ANKRD13C: variants seen among roughly 807,000 people sequenced by gnomAD.
ANKRD13C encodes the protein ankyrin repeat domain 13C.
A neutral mutation model predicts 65.5 loss-of-function variants in ANKRD13C; 16 were observed. The observed-to-expected ratio is 0.24, with a 90% CI of 0.17 to 0.37. The LOEUF is 0.37. Among genes scored for constraint, ANKRD13C ranks in the 10% least tolerant of loss-of-function variants. The pLI, the probability that ANKRD13C is intolerant of heterozygous loss-of-function variation, is 1.00. For synonymous variants in ANKRD13C, 235 were observed against 238.7 expected, an observed-to-expected ratio of 0.98 and a Z score of 0.14; for missense variants, 503 against 655.9, an observed-to-expected ratio of 0.77 and a Z score of 2.55.
At position 70,262,538 on chromosome 1, in the gene ANKRD13C, C is replaced by A. The variant is rs114495835; in HGVS notation, c.*179G>T. 0.012 allele frequency: 6,341 copies of A among 549,964 alleles called. 61 individuals are homozygous for A. The highest frequency in any genetic ancestry group is 0.015 in the Non-Finnish European group (5,108 of 344,068). The allele number at this position is 549,964 out of a possible 1,614,324, so 34.1% of individuals were successfully genotyped here. A position where few individuals can be genotyped will look rare whatever the true frequency, so the allele number is the denominator to read the frequency against. ...TTTAAAAAGACAAAAAATGGCACATCAGAAAACTCGCTGAAATTCTTATTA... is the reference window on the plus strand; with the variant it reads ...TTTAAAAAGACAAAAAATGGCACATAAGAAAACTCGCTGAAATTCTTATTA... On this transcript the variant is annotated 3_prime_UTR_variant, in exon 13 of 13. Coordinates refer to ENST00000370944, the MANE Select transcript of ANKRD13C (RefSeq NM_030816.5).
Position 70,319,207 on chromosome 1 carries a change from C to A in ANKRD13C, c.578-3641G>T, listed in dbSNP as rs149822355. On this transcript the variant is annotated intron_variant, in intron 3 of 12. Transcript: ENST00000370944. Reference sequence around the variant, plus strand: ...AGAGACTGGAAATTGGGATTAAAATCTTGACTAGCACATAAAGCTGATATC... The same window carrying A: ...AGAGACTGGAAATTGGGATTAAAATATTGACTAGCACATAAAGCTGATATC... Among the ~76,000 whole-genome samples the A allele has an allele frequency of 6.6e-5, 10 of 152,284 alleles. No individual in the cohort carries two copies. The East Asian group carries it at 1.9e-3, about 29-fold the overall frequency.
At chr1:70,293,863 T>C (rs555091509) in intron 8 of ANKRD13C, among the ~76,000 whole-genome samples, 10 of 152,312 alleles carry the variant, frequency 6.6e-5, no homozygotes, top group African/African-American at 2.4e-4. Context: ...AACAAAATGT[T>C]AAGTGTGTAT....
At position 70,262,864 on chromosome 1, in the gene ANKRD13C, A is replaced by C; in HGVS notation, c.1496-17T>G. On this transcript the variant is annotated splice_polypyrimidine_tract_variant and intron_variant, in intron 12 of 12. Transcript: ENST00000370944. Reference sequence around the variant, plus strand: ...CAGGTATATCTACAGAGAGAACATCAATGATAGCATTGTAAAATCAAATGT... The same window carrying C: ...CAGGTATATCTACAGAGAGAACATCCATGATAGCATTGTAAAATCAAATGT... The C allele has an allele frequency of 1.2e-6, 2 of 1,601,394 alleles. No homozygotes were observed. Among genetic ancestry groups the C allele is most frequent in the Non-Finnish European group, 1.7e-6 (2 of 1,171,514 alleles).
intron 6 of ANKRD13C, among the ~76,000 whole-genome samples, chr1:70,304,120 T>C (rs1680491714): frequency 6.6e-6 from 1 of 152,228 alleles, no homozygotes; most frequent in South Asian, 2.1e-4. Context: ...CGGCTCACTG[T>C]AGCCTCAAGC....
At chr1:70,296,775 G>A (rs1325008266) in intron 7 of ANKRD13C, among the ~76,000 whole-genome samples, 1 of 152,166 alleles carries the variant, frequency 6.6e-6, no homozygotes, top group Non-Finnish European at 1.5e-5. Context: ...GGGAGGGATA[G>A]AAGAAGGGAA....
intron 5 of ANKRD13C, among the ~76,000 whole-genome samples, chr1:70,308,566 C>A (rs1338352593): frequency 1.3e-5 from 2 of 151,612 alleles, no homozygotes; most frequent in Admixed American, 1.3e-4. Flanking sequence ...GGTGAAACCC[C>A]GTCTTTACTA....
intron 6 of ANKRD13C, among the ~76,000 whole-genome samples, chr1:70,302,448 CGGGCG>C: frequency 9.0e-6 from 1 of 110,688 alleles, no homozygotes; most frequent in African/African-American, 4.0e-5. Context: ...TAGTATTGGC[CGGGCG>C]CGGTGGCTCA....
At chr1:70,329,212 GTAT>G (rs1302221082) in intron 2 of ANKRD13C, among the ~76,000 whole-genome samples, 1 of 152,114 alleles carries the variant, frequency 6.6e-6, no homozygotes, top group African/African-American at 2.4e-5. Context: ...CAACATGCAT[GTAT>G]TAGTAACCAA....
chr1:70,296,982 A>C (rs1680105904), intron 7 of ANKRD13C, among the ~76,000 whole-genome samples: 2 of 152,176 alleles, frequency 1.3e-5, no homozygotes, highest in Admixed American at 1.3e-4. Context: ...ATGAGAAAAA[A>C]GGAAAGTTTT....
intron 8 of ANKRD13C, among the ~76,000 whole-genome samples, chr1:70,293,199 T>C (rs1366166785): frequency 1.3e-5 from 2 of 152,180 alleles, no homozygotes; most frequent in African/African-American, 2.4e-5. Context: ...CATTACTTTC[T>C]TTCAATAAAG....
Position 70,332,912 on chromosome 1 carries a change from T to C in ANKRD13C, c.472+3146A>G, listed in dbSNP as rs145219324. 3.7e-4 allele frequency among the ~76,000 whole-genome samples: 57 copies of C among 152,326 alleles called. No homozygotes were observed. In the East Asian group the frequency reaches 8.5e-3, roughly 23 times the overall value. On this transcript the variant is annotated intron_variant, in intron 2 of 12. Coordinates refer to ENST00000370944, the MANE Select transcript of ANKRD13C (RefSeq NM_030816.5). ...CCTCAAACAGAGATGGCAGATAGGC[T>C]TCATTTCACATTCAAATCCTGGTAA...
At chr1:70,291,596 A>G (rs1023531820) in intron 9 of ANKRD13C, among the ~76,000 whole-genome samples, 1 of 152,166 alleles carries the variant, frequency 6.6e-6, no homozygotes, top group African/African-American at 2.4e-5. Context: ...GGTGTAAGTC[A>G]GAGATGACAC....
chr1:70,276,530 T>C (rs1456189206), intron 10 of ANKRD13C, among the ~76,000 whole-genome samples: 3 of 152,122 alleles, frequency 2.0e-5, no homozygotes, highest in African/African-American at 7.2e-5. Context: ...TGTGTATAAA[T>C]TGACAGGATG....
chr1:70,334,286 A>G (rs1037487332), intron 2 of ANKRD13C, among the ~76,000 whole-genome samples: 5 of 152,104 alleles, frequency 3.3e-5, no homozygotes, highest in Non-Finnish European at 7.4e-5. Flanking sequence ...GGATCGCACC[A>G]CTATACCCCA....
chr1:70,278,239 T>C (rs1469692452), intron 9 of ANKRD13C, among the ~76,000 whole-genome samples: 1 of 150,484 alleles, frequency 6.6e-6, no homozygotes, highest in African/African-American at 2.4e-5. Context: ...ATGCCTGTAA[T>C]CCTAGCACTT....
chr1:70,286,939 C>T (rs556936866), intron 9 of ANKRD13C, among the ~76,000 whole-genome samples: 5 of 151,984 alleles, frequency 3.3e-5, no homozygotes, highest in African/African-American at 9.7e-5. Context: ...GAGCTGAGAT[C>T]GTGCCACTGC....
At chr1:70,313,866 C>G in intron 4 of ANKRD13C, 76 bp from the exon 5 acceptor site, 2 of 1,054,602 alleles carry the variant, frequency 1.9e-6, no homozygotes, top group Non-Finnish European at 3.0e-6. Flanking sequence ...ATGGCTATTC[C>G]TTAAAACATT....
Position 70,301,248 on chromosome 1 carries a change from A to G in ANKRD13C, c.777-340T>C, listed in dbSNP as rs535253723. 7.3e-5 allele frequency among the ~76,000 whole-genome samples: 11 copies of G among 150,348 alleles called. No homozygotes were observed. In the South Asian group the frequency reaches 2.3e-3, roughly 31 times the overall value. ...ACACACATATTTCATTGACCCAGAA[A>G]AAAAGATGTTTCCCCATATTTGGGG... is the stretch of plus-strand genomic sequence containing the variant. On this transcript the variant is annotated intron_variant, in intron 6 of 12. Transcript: ENST00000370944.
At chr1:70,350,888 C>T (rs114145144) in intron 1 of ANKRD13C, among the ~76,000 whole-genome samples, 2,593 of 152,126 alleles carry the variant, frequency 0.017, 81 homozygotes, top group African/African-American at 0.059. Context: ...GGACTTGGCA[C>T]GGTGGCTCAC....
Sources: allele counts gnomAD v4.1 joint callset (sites outside exome capture counted in the v4.1 genomes callset), GRCh38; gene constraint gnomAD v4.1.1; transcripts MANE v1.5; gene names NCBI Gene and HGNC (gene_info 2026-07-23, HGNC 2026-07-21).